UFL1: variants seen among roughly 807,000 people sequenced by gnomAD.
UFL1 encodes UFM1 specific ligase 1, also known as E3 UFM1-protein ligase 1.
Under a neutral mutation model 99.3 loss-of-function variants are expected in UFL1, and 78 were observed. The ratio of observed to expected loss-of-function variants is 0.79; its 90% CI spans 0.65 to 0.95. The LOEUF (loss-of-function observed/expected upper bound fraction) is 0.95. UFL1 is among the 40% of genes least tolerant of loss of function. The pLI, the probability that UFL1 is intolerant of heterozygous loss-of-function variation, is 0.00. For missense variants in UFL1, 936 were observed against 937.0 expected, an observed-to-expected ratio of 1.00 and a Z score of 0.01; for synonymous variants, 335 against 322.2, an observed-to-expected ratio of 1.04 and a Z score of -0.42.
Position 96,537,479 on chromosome 6 carries a change from A to G in UFL1, c.908A>G (p.Gln303Arg). The change falls in exon 9 of 19, where the codon CAA (glutamine) becomes CGA (arginine). Residue 303 changes from glutamine (Q) to arginine (R), a missense_variant. Physicochemically the swap from Gln to Arg is conservative, Grantham distance 43. Transcript: ENST00000369278. Reference protein sequence around the residue: ...LLFLKAACVGQGLVDQVEASV... With the variant: ...LLFLKAACVGRGLVDQVEASV... ...TTTTTGAAAGCAGCTTGTGTTGGTC[A>G]AGGACTTGTGGATCAAGTGGAAGCA... is the stretch of plus-strand genomic sequence containing the variant. The G allele has an allele frequency of 1.2e-6, 2 of 1,610,538 alleles. No homozygotes were observed. The highest frequency in any genetic ancestry group is 1.1e-5 in the South Asian group (1 of 90,848).
chr6:96,551,846 A>C lies in UFL1; in HGVS notation c.1908A>C (p.Glu636Asp), dbSNP rs148972525. 2.5e-4 allele frequency: 396 copies of C among 1,603,114 alleles called. No homozygotes were observed. The highest frequency in any genetic ancestry group is 1.0e-3 in the Middle Eastern group (6 of 6,020). Residue 636 changes from glutamate (E) to aspartate (D), a missense_variant, in exon 17 of 19, where the codon GAA becomes GAC. Physicochemically the swap from Glu to Asp is conservative, Grantham distance 45. Transcript: ENST00000369278. Reference protein sequence around the residue: ...LHNSLNEKSIEDFISCLDSAA... With the variant: ...LHNSLNEKSIDDFISCLDSAA... ...ATTCAATGCCTTTTCAGAGCATAGA[A>C]GACTTTATTTCTTGTCTGGATTCTG...
At chr6:96,534,582 C>T (rs1029514240) in intron 7 of UFL1, among the ~76,000 whole-genome samples, 2 of 151,610 alleles carry the variant, frequency 1.3e-5, no homozygotes, top group Non-Finnish European at 3.0e-5. Flanking sequence ...CTCACACACT[C>T]TATTATACAT....
rs1217030447 is a variant in UFL1, at chr6:96,537,564, T to G, written c.978+15T>G. Reference sequence around the variant, plus strand: ...TTGATATTGCAGTATGTTTTATCTTTTCCTCACTTTTCTTTAAACAGTGAC... The same window carrying G: ...TTGATATTGCAGTATGTTTTATCTTGTCCTCACTTTTCTTTAAACAGTGAC... On this transcript the variant is annotated intron_variant, in intron 9 of 18. Coordinates refer to ENST00000369278, the MANE Select transcript of UFL1 (RefSeq NM_015323.5). 6.4e-7 allele frequency: 1 copy of G among 1,551,736 alleles called. No homozygotes were observed. The highest frequency in any genetic ancestry group is 8.7e-7 in the Non-Finnish European group (1 of 1,155,680).
chr6:96,528,381 G>A (rs1031853768), intron 5 of UFL1, 121 bp from the exon 6 acceptor site: 1 of 1,215,972 alleles, frequency 8.2e-7, no homozygotes, highest in African/African-American at 1.5e-5. Context: ...TATGCTTGTT[G>A]AAACTTCTCA....
intron 16 of UFL1, 34 bp downstream of exon 16, chr6:96,551,547 G>A: frequency 1.5e-6 from 2 of 1,339,682 alleles, no homozygotes; most frequent in Non-Finnish European, 2.0e-6. Flanking sequence ...ACATGTCAGG[G>A]CTAGCAGTTT....
intron 12 of UFL1, among the ~76,000 whole-genome samples, chr6:96,547,919 C>T (rs1770022813): frequency 6.6e-6 from 1 of 151,472 alleles, no homozygotes; most frequent in South Asian, 2.1e-4. Context: ...GCCAGTATGT[C>T]TTGTATTCAT....
intron 15 of UFL1, among the ~76,000 whole-genome samples, chr6:96,550,384 T>C (rs1402233247): frequency 6.6e-6 from 1 of 151,892 alleles, no homozygotes; most frequent in Admixed American, 6.6e-5. Flanking sequence ...TTCTTCCTTC[T>C]TCCTCACCTC....
At chr6:96,542,789 C>A in intron 11 of UFL1, 105 bp from the exon 12 acceptor site, 4 of 1,174,470 alleles carry the variant, frequency 3.4e-6, no homozygotes, top group South Asian at 2.8e-5. Context: ...TTTATTTTGC[C>A]TTTATTTTTT....
intron 11 of UFL1, among the ~76,000 whole-genome samples, 196 bp from the exon 12 acceptor site, chr6:96,542,698 T>C (rs1769947789): frequency 6.6e-6 from 1 of 151,228 alleles, no homozygotes; most frequent in East Asian, 1.9e-4. Flanking sequence ...AGATTTCATA[T>C]TTTATTATTA....
In UFL1 at chr6:96,523,170, G is replaced by A; in HGVS notation, c.102G>A (p.Glu34=). 1 of 1,612,170 alleles carries A rather than the reference G, an allele frequency of 6.2e-7. No homozygotes were observed. Among genetic ancestry groups the A allele is most frequent in the Non-Finnish European group, 8.5e-7 (1 of 1,179,168 alleles). Residue 34 remains glutamate (E), a synonymous_variant, in exon 2 of 19, where the codon GAG becomes GAA. Transcript: ENST00000369278. ...GGTTGTCCGAGCGGAACTGCATTGA[G>A]ATTGTTAATAAATTGATTGCTCAGA... ...TQRLSERNCI[E]IVNKLIAQKQ...
Position 96,523,213 on chromosome 6 carries a change from C to G in UFL1, c.145C>G (p.His49Asp), listed in dbSNP as rs1230066687. ...LIAQKQLEVVHTLDGKEYITP... is the reference protein window; with the variant it reads ...LIAQKQLEVVDTLDGKEYITP... ...TGCTCAGAAACAGCTAGAAGTAGTT[C>G]ATACACTCGATGGAAAGGAATATAT... Residue 49 changes from histidine (H) to aspartate (D), a missense_variant, in exon 2 of 19, where the codon CAT becomes GAT. Transcript: ENST00000369278. The G allele has an allele frequency of 5.0e-6, 8 of 1,613,114 alleles. No individual in the cohort carries two copies. In the African/African-American group the frequency reaches 9.4e-5, roughly 19 times the overall value.
intron 4 of UFL1, among the ~76,000 whole-genome samples, 169 bp from the exon 5 acceptor site, chr6:96,526,152 T>C (rs1377566983): frequency 6.6e-6 from 1 of 152,072 alleles, no homozygotes; most frequent in Non-Finnish European, 1.5e-5. Context: ...GCTACACTAA[T>C]GAGAAAAAAG....
chr6:96,524,129 G>A (rs1294241889), intron 2 of UFL1, among the ~76,000 whole-genome samples: 1 of 151,334 alleles, frequency 6.6e-6, no homozygotes, highest in Non-Finnish European at 1.5e-5. Flanking sequence ...GAGCCAATTT[G>A]TGTGCCAGTT....
chr6:96,526,067 C>CA (rs1454720224), intron 4 of UFL1, among the ~76,000 whole-genome samples: 1 of 146,844 alleles, frequency 6.8e-6, no homozygotes, highest in Non-Finnish European at 1.5e-5. Context: ...GCCTGGGTGA[C>CA]AGAGTGAGAC....
chr6:96,543,982 G>A (rs532683993), intron 12 of UFL1, among the ~76,000 whole-genome samples: 1 of 150,860 alleles, frequency 6.6e-6, no homozygotes, highest in African/African-American at 2.4e-5. Context: ...AGCTTTTAAT[G>A]TTTACCAAAA....
rs772191237 is a variant in UFL1, at chr6:96,526,316, A to G, written c.351-5A>G. On this transcript the variant is annotated splice_region_variant and splice_polypyrimidine_tract_variant and intron_variant, in intron 4 of 18. Transcript: ENST00000369278. ...TTTCTATTATTTTCTTGTTTTCACT[A>G]TTAGGAATTATTTGGATCGGTTGGC... 2.0e-5 allele frequency: 32 copies of G among 1,598,876 alleles called. No homozygotes were observed. The highest frequency in any genetic ancestry group is 2.5e-5 in the Non-Finnish European group (29 of 1,173,550).
Position 96,553,320 on chromosome 6 carries a change from G to A in UFL1, c.2202G>A (p.Leu734=). The change falls in exon 19 of 19, where the codon TTG becomes TTA. Residue 734 remains leucine, a synonymous_variant. Coordinates refer to ENST00000369278, the MANE Select transcript of UFL1 (RefSeq NM_015323.5). ...CTCTTTTGGTAAAGTATCAAGGTTT[G>A]GTTGTAAAGCAGCTAGTCAGTCAAA... ...QHALLVKYQG[L]VVKQLVSQSK... 6.2e-7 allele frequency: 1 copy of A among 1,613,670 alleles called. No homozygotes were observed. The highest frequency in any genetic ancestry group is 1.1e-5 in the South Asian group (1 of 91,066).
chr6:96,521,829 T>G lies in UFL1; in HGVS notation c.-45T>G, dbSNP rs568507071. On this transcript the variant is annotated 5_prime_UTR_variant, in exon 1 of 19. Coordinates refer to ENST00000369278, the MANE Select transcript of UFL1 (RefSeq NM_015323.5). ...CTCTCTTCTCCCACCGCCTGTCGGC[T>G]GACGTGTCTGCAGTTCCTCCGCGTC... 28 of 1,585,772 alleles carry G rather than the reference T, an allele frequency of 1.8e-5. No homozygotes were observed. The highest frequency in any genetic ancestry group is 2.3e-5 in the East Asian group (1 of 43,482).
At chr6:96,539,520 A>G (rs1046044157) in intron 10 of UFL1, among the ~76,000 whole-genome samples, 1 of 151,614 alleles carries the variant, frequency 6.6e-6, no homozygotes, top group Non-Finnish European at 1.5e-5. Flanking sequence ...AAACTTCTGT[A>G]TTTAGCCTGA....
Sources: gnomAD v4.1 joint callset for allele counts (sites outside exome capture counted in the v4.1 genomes callset) on GRCh38, gnomAD v4.1.1 for gene constraint, MANE v1.5 for transcripts, NCBI Gene and HGNC (gene_info 2026-07-23, HGNC 2026-07-21) for gene names.